Variants in TRRAP observed in about 807,000 individuals in gnomAD.
TRRAP encodes transformation/transcription domain associated protein.
A neutral mutation model predicts 438.8 loss-of-function variants in TRRAP; 41 were observed. That is an observed-to-expected ratio of 0.09 (90% confidence interval 0.07 to 0.12). The LOEUF (loss-of-function observed/expected upper bound fraction) is 0.12. Ranked by LOEUF, TRRAP falls within the 10% of genes least tolerant of loss-of-function variation. The probability of loss-of-function intolerance (pLI) is 1.00; values close to 1 mark genes in which losing one functional copy is unlikely to be tolerated. For synonymous variants in TRRAP, 1,994 were observed against 1,962.9 expected (o/e 1.02, Z -0.42); for missense variants, 3,122 against 5,055.1 (o/e 0.62, Z 11.60).
At chr7:98,967,237 A>C in intron 50 of TRRAP, 75 bp downstream of exon 50, 1 of 1,534,382 alleles carries the variant, frequency 6.5e-7, no homozygotes, top group Non-Finnish European at 8.8e-7. Context: ...CCATGCAGCC[A>C]TGATTTTAAT....
chr7:98,988,623 C>T (rs1162016499), intron 62 of TRRAP, 142 bp from the exon 63 acceptor site: 20 of 930,402 alleles, frequency 2.1e-5, no homozygotes, highest in Non-Finnish European at 2.9e-5. Context: ...GGGTTCAGAG[C>T]GACTGCTTAT....
Position 98,976,389 on chromosome 7 carries a change from G to A in TRRAP, c.7960-94G>A, listed in dbSNP as rs528788731. ...ATGAGGGAACCGCTGGCTGTCACTCGAGCGAATTAGGAAAGGTATTCTTGC... is the reference window on the plus strand; with the variant it reads ...ATGAGGGAACCGCTGGCTGTCACTCAAGCGAATTAGGAAAGGTATTCTTGC... On this transcript the variant is annotated intron_variant, in intron 54 of 72. Coordinates refer to ENST00000456197, the MANE Select transcript of TRRAP (RefSeq NM_001375524.1). The surrounding 1 kb of genome is among the most constrained non-coding windows in gnomAD (Gnocchi z 4.6). 89 of 1,568,746 alleles carry A rather than the reference G, an allele frequency of 5.7e-5. 1 individual carries two copies. In the African/African-American group the frequency reaches 7.8e-4, roughly 14 times the overall value.
chr7:98,891,654 G>A (rs1321099252), intron 4 of TRRAP, among the ~76,000 whole-genome samples: 1 of 150,702 alleles, frequency 6.6e-6, no homozygotes, highest in Non-Finnish European at 1.5e-5. Flanking sequence ...TCCTGCCTCA[G>A]CCTCCCGAGT....
At chr7:99,002,528 G>A (rs1045363945) in intron 67 of TRRAP, among the ~76,000 whole-genome samples, 3 of 152,194 alleles carry the variant, frequency 2.0e-5, no homozygotes, top group East Asian at 1.9e-4. Context: ...TTGGTCCAGC[G>A]TGGAGAGGGA....
intron 53 of TRRAP, among the ~76,000 whole-genome samples, chr7:98,972,737 C>T (rs952047731): frequency 2.0e-5 from 3 of 152,190 alleles, no homozygotes; most frequent in African/African-American, 7.2e-5. Flanking sequence ...TTATTCTGTT[C>T]ATATCAGGAG....
chr7:98,910,218 G>GTCC lies in TRRAP; in HGVS notation c.1513_1514insTCC (p.Ala505delinsValPro). On this transcript the variant is annotated protein_altering_variant, in exon 15 of 73. Transcript: ENST00000456197. The stretch of plus-strand genomic sequence containing the variant: ...TGCTCCCTCCCCAGCCCCTGTCCCT[G>GTCC]CCCCACCTCCACCCCCGCCCCCACC... 7.3e-7 allele frequency: 1 copy of GTCC among 1,377,626 alleles called. No individual in the cohort carries two copies. The highest frequency in any genetic ancestry group is 9.4e-7 in the Non-Finnish European group (1 of 1,064,948). The allele number at this position is 1,377,626 out of a possible 1,614,324, so 85.3% of individuals were successfully genotyped here. A position where few individuals can be genotyped will look rare whatever the true frequency, so the allele number is the denominator to read the frequency against.
Position 98,976,415 on chromosome 7 carries a change from A to G in TRRAP, c.7960-68A>G. 1.3e-6 allele frequency: 2 copies of G among 1,577,090 alleles called. No individual in the cohort carries two copies. The highest frequency in any genetic ancestry group is 1.7e-5 in the Admixed American group (1 of 58,328). ...AGCGAATTAGGAAAGGTATTCTTGC[A>G]TCGAGAGAGACAGCAAGACTTGCCG... On this transcript the variant is annotated intron_variant, in intron 54 of 72. Coordinates refer to ENST00000456197, the MANE Select transcript of TRRAP (RefSeq NM_001375524.1). This position sits in a 1 kb window ranked among gnomAD's most constrained non-coding sequence, Gnocchi z 4.6.
chr7:98,978,973 G>A (rs1318624048), intron 58 of TRRAP, 69 bp downstream of exon 58: 15 of 1,592,592 alleles, frequency 9.4e-6, no homozygotes, highest in Non-Finnish European at 1.2e-5. Context: ...GTGTCTCTTG[G>A]GAGATTTCCC....
At chr7:98,997,263 G>A (rs368758290) in intron 67 of TRRAP, among the ~76,000 whole-genome samples, 9 of 151,858 alleles carry the variant, frequency 5.9e-5, no homozygotes, top group South Asian at 2.1e-4. Context: ...CCAAAATCAC[G>A]CCACTGCACT....
At chr7:98,905,053 G>T (rs1197814948) in intron 12 of TRRAP, among the ~76,000 whole-genome samples, 1 of 152,168 alleles carries the variant, frequency 6.6e-6, no homozygotes, top group Non-Finnish European at 1.5e-5. Context: ...AAAGGATCTG[G>T]AAAGTAGTGG....
chr7:98,998,673 A>G, intron 67 of TRRAP: 1 of 161,916 alleles, frequency 6.2e-6, no homozygotes, highest in Non-Finnish European at 1.4e-5. Flanking sequence ...CAATAGAAAT[A>G]GAGCCTGCAG....
intron 31 of TRRAP, among the ~76,000 whole-genome samples, chr7:98,944,475 T>C (rs1790950195): frequency 6.6e-6 from 1 of 152,170 alleles, no homozygotes; most frequent in Non-Finnish European, 1.5e-5. Context: ...TGGAACATTT[T>C]TATCCTGTGA....
At chr7:98,938,893 A>T (rs781959906) in intron 30 of TRRAP, among the ~76,000 whole-genome samples, 1 of 152,080 alleles carries the variant, frequency 6.6e-6, no homozygotes, top group South Asian at 2.1e-4. Flanking sequence ...ACCAATATAC[A>T]CTCCTACAAA....
At chr7:98,990,120 G>A (rs1252695134) in intron 63 of TRRAP, among the ~76,000 whole-genome samples, 1 of 152,080 alleles carries the variant, frequency 6.6e-6, no homozygotes, top group African/African-American at 2.4e-5. Context: ...CCCAGCTACT[G>A]GGGAGGCTGA....
chr7:98,959,267 T>G, intron 44 of TRRAP, 77 bp from the exon 45 acceptor site: 2 of 1,569,856 alleles, frequency 1.3e-6, no homozygotes, highest in Non-Finnish European at 1.7e-6. Flanking sequence ...CAGGGCACAG[T>G]TGAGACGTGC....
intron 43 of TRRAP, among the ~76,000 whole-genome samples, chr7:98,957,154 G>A (rs1441613620): frequency 5.9e-5 from 9 of 152,114 alleles, no homozygotes; most frequent in East Asian, 1.9e-4. Flanking sequence ...CATCTGGTCC[G>A]GAGCAAGTCT....
At chr7:98,911,409 T>C in intron 17 of TRRAP, 138 bp downstream of exon 17, 1 of 825,178 alleles carries the variant, frequency 1.2e-6, no homozygotes, top group Non-Finnish European at 1.8e-6. Context: ...AAAGAAATAT[T>C]AGGCCATAAT....
At chr7:98,924,515 G>A (rs373983467) in intron 21 of TRRAP, among the ~76,000 whole-genome samples, 5 of 151,908 alleles carry the variant, frequency 3.3e-5, no homozygotes, top group Non-Finnish European at 4.4e-5. Flanking sequence ...GTGAAACCCC[G>A]TCTCTACTAA....
intron 7 of TRRAP, among the ~76,000 whole-genome samples, chr7:98,896,160 G>A (rs1478807393): frequency 1.3e-5 from 2 of 152,154 alleles, no homozygotes; most frequent in African/African-American, 4.8e-5. Context: ...GCATTTTAAA[G>A]ACGGTTGAGT....
Sources: allele counts gnomAD v4.1 joint callset (sites outside exome capture counted in the v4.1 genomes callset), GRCh38; gene constraint gnomAD v4.1.1; non-coding constraint Gnocchi (gnomAD v3.1); transcripts MANE v1.5; gene names NCBI Gene and HGNC (gene_info 2026-07-23, HGNC 2026-07-21).